The following DPP6 variants were observed in gnomAD, a reference collection of about 807,000 sequenced individuals.
The protein encoded by DPP6 is A-type potassium channel modulatory protein DPP6.
DPP6 carries 69 observed loss-of-function variants against 122.6 expected under a neutral mutation model. That is an observed-to-expected ratio of 0.56 (90% confidence interval 0.46 to 0.69). The LOEUF is 0.69. Among genes scored for constraint, DPP6 ranks in the 30% least tolerant of loss-of-function variants. The pLI, the probability that DPP6 is intolerant of heterozygous loss-of-function variation, is 0.00. For missense variants in DPP6, 928 were observed against 1,116.9 expected, an observed-to-expected ratio of 0.83 and a Z score of 2.41; for synonymous variants, 418 against 433.1, an observed-to-expected ratio of 0.97 and a Z score of 0.43.
intron 1 of DPP6, among the ~76,000 whole-genome samples, chr7:153,960,375 G>T (rs1795283638): frequency 6.6e-6 from 1 of 151,984 alleles, no homozygotes; most frequent in Non-Finnish European, 1.5e-5. Flanking sequence ...GTTTTAGTTG[G>T]ACAAAAACAC....
intron 1 of DPP6, among the ~76,000 whole-genome samples, chr7:153,920,265 C>G (rs1800566979): frequency 1.3e-5 from 2 of 152,204 alleles, no homozygotes; most frequent in African/African-American, 4.8e-5. Flanking sequence ...TTTATAACTT[C>G]CCTTGAAGCA....
At chr7:153,972,333 T>C (rs11764700) in intron 1 of DPP6, among the ~76,000 whole-genome samples, 12,372 of 151,162 alleles carry the variant, frequency 0.082, 546 homozygotes, top group Non-Finnish European at 0.1. Context: ...ACTGATGCTG[T>C]TTTGCCTCAC....
At chr7:154,243,902 C>T (rs769244872) in intron 1 of DPP6, among the ~76,000 whole-genome samples, 1 of 151,710 alleles carries the variant, frequency 6.6e-6, no homozygotes, top group Non-Finnish European at 1.5e-5. Flanking sequence ...TCAAACAAAC[C>T]GTATCTCAGT....
At chr7:154,575,417 T>TATGTGTGTG in intron 5 of DPP6, among the ~76,000 whole-genome samples, 1 of 109,092 alleles carries the variant, frequency 9.2e-6, no homozygotes, top group Non-Finnish European at 1.8e-5. Flanking sequence ...TGTTTGTGTA[T>TATGTGTGTG]GTGTGTGTGG....
intron 16 of DPP6, among the ~76,000 whole-genome samples, chr7:154,834,248 C>A (rs2316530): frequency 0.8 from 120,561 of 150,068 alleles, 48,728 homozygotes; most frequent in East Asian, 0.99. Context: ...CAGGCGGATC[C>A]CCTTAAGTCA....
chr7:153,968,943 T>G (rs1314722254), intron 1 of DPP6: 2 of 152,182 alleles, frequency 1.3e-5, no homozygotes, highest in Non-Finnish European at 2.9e-5. Flanking sequence ...ACTTCATTGC[T>G]TTTTATGACT....
At chr7:153,867,329 G>C in the DPP6 span, among the ~76,000 whole-genome samples, 1 of 152,146 alleles carries the variant, frequency 6.6e-6, no homozygotes, top group African/African-American at 2.4e-5. Flanking sequence ...ATTTCATTGA[G>C]TAGTGGTTTG....
At chr7:153,976,164 C>T (rs1015417715) in intron 1 of DPP6, among the ~76,000 whole-genome samples, 1 of 151,988 alleles carries the variant, frequency 6.6e-6, no homozygotes, top group African/African-American at 2.4e-5. Flanking sequence ...AGAGGGTGTA[C>T]TGCAAACCTG....
rs1584951743 is a variant in DPP6 at position 154,874,275 on chromosome 7, A to T, written c.1883+1582A>T. Among the ~76,000 whole-genome samples the T allele has an allele frequency of 3.9e-5, 6 of 152,330 alleles. 2 individuals are homozygous for T. The highest frequency in any genetic ancestry group is 3.9e-4 in the Admixed American group (6 of 15,300). ...GGTTTCTTCAGTGATCTTAAAGGAA[A>T]TCCCCAAAAGCATTTCAGTTTACAA... On this transcript the variant is annotated intron_variant, in intron 19 of 25. Transcript: ENST00000377770.
At chr7:154,365,979 A>T (rs982146685) in intron 1 of DPP6, among the ~76,000 whole-genome samples, 1 of 149,218 alleles carries the variant, frequency 6.7e-6, no homozygotes. Context: ...AAAAAAAAAA[A>T]GTGGGGAAGG....
chr7:154,135,037 G>A (rs1795475554), intron 1 of DPP6, among the ~76,000 whole-genome samples: 1 of 151,108 alleles, frequency 6.6e-6, no homozygotes, highest in African/African-American at 2.4e-5. Flanking sequence ...TACTTCCTCT[G>A]TGTATACTTC....
chr7:154,631,873 G>A (rs965967185), intron 5 of DPP6, among the ~76,000 whole-genome samples: 4 of 152,294 alleles, frequency 2.6e-5, no homozygotes, highest in Non-Finnish European at 4.4e-5. Flanking sequence ...GAGGGTATGA[G>A]CTTAGTCTTG....
the DPP6 span, among the ~76,000 whole-genome samples, chr7:153,768,698 T>A: frequency 1.3e-5 from 2 of 152,194 alleles, no homozygotes; most frequent in Non-Finnish European, 2.9e-5. Context: ...CAGTTATCTG[T>A]CTTTTGAAAA....
chr7:154,737,972 G>T (rs1842645790), intron 8 of DPP6, among the ~76,000 whole-genome samples: 1 of 152,142 alleles, frequency 6.6e-6, no homozygotes, highest in Non-Finnish European at 1.5e-5. Context: ...AGTTAAACAA[G>T]AGCGCTTCTG....
At chr7:154,873,507 T>G (rs3807286) in intron 19 of DPP6, among the ~76,000 whole-genome samples, 25,484 of 152,120 alleles carry the variant, frequency 0.17, 2,514 homozygotes, top group East Asian at 0.54. Context: ...CCAGTGCAAC[T>G]ACCCCCTGAG....
At chr7:153,912,830 A>G (rs998595958) in intron 1 of DPP6, among the ~76,000 whole-genome samples, 1 of 152,154 alleles carries the variant, frequency 6.6e-6, no homozygotes, top group Non-Finnish European at 1.5e-5. Context: ...ACAGCAGGTA[A>G]TCTCTTTGGC....
intron 1 of DPP6, among the ~76,000 whole-genome samples, chr7:154,424,784 C>T (rs1000026712): frequency 2.0e-5 from 3 of 152,166 alleles, no homozygotes; most frequent in Admixed American, 6.6e-5. Context: ...TTGACAACTG[C>T]GTGACTTTAG....
At chr7:153,870,564 A>C in the DPP6 span, among the ~76,000 whole-genome samples, 1 of 152,060 alleles carries the variant, frequency 6.6e-6, no homozygotes. Context: ...AATTTTTCCC[A>C]AGGTTTTTAA....
At chr7:153,890,952 C>G in intron 1 of DPP6, among the ~76,000 whole-genome samples, 1 of 149,878 alleles carries the variant, frequency 6.7e-6, no homozygotes, top group Admixed American at 6.7e-5. Flanking sequence ...CCTGTCTCGG[C>G]CTCCCAAAGT....
Sources: allele counts gnomAD v4.1 joint callset (sites outside exome capture counted in the v4.1 genomes callset), GRCh38; gene constraint gnomAD v4.1.1; transcripts MANE v1.5; gene names NCBI Gene and HGNC (gene_info 2026-07-23, HGNC 2026-07-21).